CFAP20DC: variants seen among roughly 807,000 people sequenced by gnomAD.
CFAP20DC encodes CFAP20 domain containing.
Under a neutral mutation model 101.7 loss-of-function variants are expected in CFAP20DC, and 84 were observed. That is an observed-to-expected ratio of 0.83 (90% CI 0.69 to 0.99). The LOEUF is 0.99. Among genes scored for constraint, CFAP20DC ranks in the 50% least tolerant of loss-of-function variants. The pLI is 0.00. For synonymous variants in CFAP20DC, 359 were observed against 351.2 expected (o/e 1.02, Z -0.25); for missense variants, 1,007 against 970.3 (o/e 1.04, Z -0.50).
chr3:58,951,527 A>G (rs2108046602), intron 4 of CFAP20DC, among the ~76,000 whole-genome samples: 1 of 152,348 alleles, frequency 6.6e-6, no homozygotes, highest in Non-Finnish European at 1.5e-5. Flanking sequence ...ACAATGATAG[A>G]CTGGATTAAG....
At chr3:58,835,660 G>C (rs1452825108) in intron 13 of CFAP20DC, among the ~76,000 whole-genome samples, 1 of 152,130 alleles carries the variant, frequency 6.6e-6, no homozygotes, top group African/African-American at 2.4e-5. Context: ...CCAGCAGAGA[G>C]AAGAAAGCAA....
rs556786512 is a variant in CFAP20DC, at chr3:58,728,064, G to C, written c.198-10436C>G. 2 of 152,234 alleles carry C rather than the reference G, an allele frequency of 1.3e-5. No individual in the cohort carries two copies. Among genetic ancestry groups the C allele is most frequent in the Non-Finnish European group, 2.9e-5 (2 of 68,044 alleles). The allele number at this position is 152,234 out of a possible 1,614,324, so 9.4% of individuals were successfully genotyped here. ...GTGCAGGTGGCAGAATGCAGTTAGAGTGCATAGAAAGCTGCAATCTTTGTG... is the reference window on the plus strand; with the variant it reads ...GTGCAGGTGGCAGAATGCAGTTAGACTGCATAGAAAGCTGCAATCTTTGTG... On this transcript the variant is annotated intron_variant, in intron 3 of 3. Transcript: ENST00000486145. This position sits in a 1 kb window ranked among gnomAD's most constrained non-coding sequence, Gnocchi z 4.7.
At chr3:58,969,356 G>A (rs2108339803) in intron 4 of CFAP20DC, among the ~76,000 whole-genome samples, 1 of 152,312 alleles carries the variant, frequency 6.6e-6, no homozygotes, top group South Asian at 2.1e-4. Context: ...TGATGAGGAT[G>A]TGGAGAAATG....
chr3:58,919,548 G>A (rs769037313), intron 5 of CFAP20DC, among the ~76,000 whole-genome samples: 10 of 152,180 alleles, frequency 6.6e-5, no homozygotes, highest in Admixed American at 1.3e-4. Context: ...ACAGCCTGCT[G>A]AGATTTCAAC....
chr3:58,814,995 T>G (rs1025833621), intron 14 of CFAP20DC, among the ~76,000 whole-genome samples: 1 of 151,152 alleles, frequency 6.6e-6, no homozygotes, highest in African/African-American at 2.4e-5. Flanking sequence ...TTCACAGAAT[T>G]GGAAAAAACT....
intron 16 of CFAP20DC, among the ~76,000 whole-genome samples, chr3:58,748,449 T>C (rs1447214153): frequency 1.3e-5 from 2 of 152,126 alleles, no homozygotes; most frequent in Non-Finnish European, 2.9e-5. Flanking sequence ...AGTTCACTTC[T>C]AGTGGCCCTG....
intron 3 of CFAP20DC, among the ~76,000 whole-genome samples, chr3:58,730,512 C>T (rs188152886): frequency 6.6e-6 from 1 of 152,164 alleles, no homozygotes; most frequent in Admixed American, 6.5e-5. Context: ...GAAAAGGCAT[C>T]GCATTCTGAA....
chr3:59,017,444 C>A (rs1012540074), intron 4 of CFAP20DC: 2 of 152,156 alleles, frequency 1.3e-5, no homozygotes, highest in South Asian at 2.1e-4. Flanking sequence ...TCCCACCCCA[C>A]AACTTTCGCA....
intron 2 of CFAP20DC, among the ~76,000 whole-genome samples, chr3:59,046,614 ATTAAT>A (rs1699882822): frequency 6.6e-6 from 1 of 152,154 alleles, no homozygotes; most frequent in South Asian, 2.1e-4. Context: ...AAATAAATAA[ATTAAT>A]TAAATCAATA....
chr3:58,766,602 G>T (rs1369594993), intron 15 of CFAP20DC, among the ~76,000 whole-genome samples: 1 of 152,162 alleles, frequency 6.6e-6, no homozygotes, highest in African/African-American at 2.4e-5. Context: ...AGTGTCATCG[G>T]GAAGCCATCA....
In CFAP20DC at chr3:58,894,949, A is replaced by C. The variant is rs1465692376; in HGVS notation, c.551-10240T>G. 6.6e-6 allele frequency among the ~76,000 whole-genome samples: 1 copy of C among 152,230 alleles called. No homozygotes were observed. The highest frequency in any genetic ancestry group is 2.4e-5 in the African/African-American group (1 of 41,460). The stretch of plus-strand genomic sequence containing the variant: ...CTTTGGGCTTGCACCCTCTGAAGCC[A>C]TGGCCTAAGCTCTATGTTGGCCCCT... On this transcript the variant is annotated intron_variant, in intron 6 of 16. Coordinates refer to ENST00000482387, the MANE Select transcript of CFAP20DC (RefSeq NM_001394063.1). The surrounding 1 kb of genome is among the most constrained non-coding windows in gnomAD (Gnocchi z 4.1).
At chr3:58,980,238 G>C (rs1048348910) in intron 4 of CFAP20DC, among the ~76,000 whole-genome samples, 6 of 152,082 alleles carry the variant, frequency 3.9e-5, no homozygotes, top group Non-Finnish European at 8.8e-5. Context: ...CAAACTTGAA[G>C]ATAAAGTTAC....
chr3:58,958,411 T>G (rs1453980877), intron 4 of CFAP20DC, among the ~76,000 whole-genome samples: 3 of 152,238 alleles, frequency 2.0e-5, no homozygotes, highest in Non-Finnish European at 4.4e-5. Context: ...CACATTTTGT[T>G]GATCTATTCA....
At chr3:58,896,803 T>C (rs2082701637) in intron 6 of CFAP20DC, among the ~76,000 whole-genome samples, 1 of 152,138 alleles carries the variant, frequency 6.6e-6, no homozygotes, top group South Asian at 2.1e-4. Context: ...TTACTTCTGA[T>C]TTATGTGATC....
chr3:59,004,896 GAA>G (rs2093400253), intron 4 of CFAP20DC, among the ~76,000 whole-genome samples: 1 of 152,174 alleles, frequency 6.6e-6, no homozygotes, highest in African/African-American at 2.4e-5. Flanking sequence ...CTAGGCCAGA[GAA>G]AGTACCTTAT....
intron 15 of CFAP20DC, among the ~76,000 whole-genome samples, chr3:58,782,914 A>C (rs1343734534): frequency 6.6e-6 from 1 of 152,038 alleles, no homozygotes; most frequent in African/African-American, 2.4e-5. Flanking sequence ...AAAAATCCTA[A>C]AGTTTGTATT....
intron 12 of CFAP20DC, among the ~76,000 whole-genome samples, chr3:58,854,734 G>T (rs1325701178): frequency 4.0e-5 from 6 of 151,500 alleles, no homozygotes; most frequent in Non-Finnish European, 8.8e-5. Context: ...AAGCAATGGG[G>T]AAAGGATTCT....
chr3:59,032,838 T>G (rs2094022823), intron 4 of CFAP20DC, among the ~76,000 whole-genome samples: 1 of 152,130 alleles, frequency 6.6e-6, no homozygotes, highest in South Asian at 2.1e-4. Flanking sequence ...AGCACAGCAC[T>G]CGAGCTCTGC....
chr3:59,045,659 A>G (rs769052165), intron 3 of CFAP20DC, among the ~76,000 whole-genome samples: 3 of 152,146 alleles, frequency 2.0e-5, no homozygotes, highest in Non-Finnish European at 4.4e-5. Flanking sequence ...AATAGATTCT[A>G]TGGGTCTTTG....
Sources: allele counts gnomAD v4.1 joint callset (sites outside exome capture counted in the v4.1 genomes callset), GRCh38; gene constraint gnomAD v4.1.1; non-coding constraint Gnocchi (gnomAD v3.1); transcripts MANE v1.5; gene names NCBI Gene and HGNC (gene_info 2026-07-23, HGNC 2026-07-21).